The following G2E3 variants were observed in gnomAD, a reference collection of about 807,000 sequenced individuals.
The protein encoded by G2E3 is G2/M-phase specific E3 ubiquitin protein ligase, also known as G2/M phase-specific E3 ubiquitin-protein ligase.
A neutral mutation model predicts 92.8 loss-of-function variants in G2E3; 35 were observed. That is an observed-to-expected ratio of 0.38 (90% confidence interval 0.29 to 0.50). The LOEUF is 0.50. G2E3 is among the 20% of genes least tolerant of loss of function. The probability of loss-of-function intolerance (pLI) is 0.94; values close to 1 mark genes in which losing one functional copy is unlikely to be tolerated. For missense variants in G2E3, 554 were observed against 823.8 expected, an observed-to-expected ratio of 0.67 and a Z score of 4.01; for synonymous variants, 242 against 272.4, an observed-to-expected ratio of 0.89 and a Z score of 1.10.
chr14:30,593,777 A>C (rs1315238965), intron 6 of G2E3, 138 bp downstream of exon 6: 1 of 625,406 alleles, frequency 1.6e-6, no homozygotes, highest in East Asian at 3.0e-5. Context: ...AAAGCACTTA[A>C]TTTGAAGCAG....
chr14:30,614,838 T>C (rs1245826833), intron 13 of G2E3, among the ~76,000 whole-genome samples: 2 of 152,238 alleles, frequency 1.3e-5, no homozygotes, highest in Non-Finnish European at 2.9e-5. Context: ...CTATTGATCT[T>C]TCAGAAGAAT....
intron 14 of G2E3, 88 bp from the exon 15 acceptor site, chr14:30,616,190 C>T (rs906689874): frequency 2.3e-6 from 2 of 870,642 alleles, no homozygotes; most frequent in African/African-American, 3.4e-5. Flanking sequence ...TATTCCAAGT[C>T]TATTTGGAGA....
chr14:30,612,339 G>C lies in G2E3; in HGVS notation c.1633G>C (p.Gly545Arg), dbSNP rs140574601. 2.8e-4 allele frequency: 444 copies of C among 1,607,328 alleles called. No individual in the cohort carries two copies. The highest frequency in any genetic ancestry group is 3.5e-4 in the Non-Finnish European group (413 of 1,175,480). ...ATATATGTTAGTAAAAGACATACTT[G>C]GCTACCATGTAATTCAGAGAGTCCA... Reference protein sequence around the residue: ...DKYMLVKDILGYHVIQRVHTP... With the variant: ...DKYMLVKDILRYHVIQRVHTP... Residue 545 changes from glycine to arginine, a missense_variant, in exon 13 of 15, where the codon GGC (glycine) becomes CGC (arginine). Coordinates refer to ENST00000206595, the MANE Select transcript of G2E3 (RefSeq NM_017769.5).
chr14:30,610,415 ACCAG>A (rs1169140230), intron 12 of G2E3, among the ~76,000 whole-genome samples: 2 of 152,122 alleles, frequency 1.3e-5, no homozygotes, highest in Non-Finnish European at 2.9e-5. Flanking sequence ...GCAGTTCGAG[ACCAG>A]CCTGGCCAAC....
At chr14:30,611,223 T>C (rs1256653476) in intron 12 of G2E3, 2 of 152,238 alleles carry the variant, frequency 1.3e-5, no homozygotes, top group Non-Finnish European at 1.5e-5. Context: ...TTTGGCTATG[T>C]GCCCAGCTGA....
At chr14:30,573,569 G>C (rs1879902681) in intron 1 of G2E3, 1 of 152,026 alleles carries the variant, frequency 6.6e-6, no homozygotes, top group Admixed American at 6.6e-5. Flanking sequence ...GGAAAGTCCC[G>C]CAGTGTAGTT....
At chr14:30,602,892 G>T (rs1328568526) in intron 10 of G2E3, 3 of 152,208 alleles carry the variant, frequency 2.0e-5, no homozygotes, top group Admixed American at 2.0e-4. Context: ...GATTACAGGT[G>T]TGCGCCACTA....
chr14:30,602,059 A>G lies in G2E3; in HGVS notation c.938A>G (p.Asp313Gly), dbSNP rs1327573459. The change falls in exon 10 of 15, where the codon GAT becomes GGT. Residue 313 changes from aspartate (D) to glycine (G), a missense_variant. Asp to Gly is a moderately conservative substitution (Grantham distance 94). This residue lies in a region of G2E3 where 397 missense variants were observed against 560.3 expected (regional missense o/e 0.71). Transcript: ENST00000206595. ...LPNSNNVGIT[D>G]CLLEESSPKL... The stretch of plus-strand genomic sequence containing the variant: ...AATTCTAATAATGTGGGGATTACAG[A>G]TTGTTTGTTGGAAGAGTCATCACCT... 1.2e-6 allele frequency: 2 copies of G among 1,611,538 alleles called. No homozygotes were observed. The highest frequency in any genetic ancestry group is 1.7e-6 in the Non-Finnish European group (2 of 1,177,758).
rs958787530 is a variant in G2E3 at position 30,586,660 on chromosome 14, A to T, written c.38-58A>T. On this transcript the variant is annotated intron_variant, in intron 2 of 14. Coordinates refer to ENST00000206595, the MANE Select transcript of G2E3 (RefSeq NM_017769.5). The stretch of plus-strand genomic sequence containing the variant: ...AAATTTAGAGAAGCACCAATTCCAT[A>T]GGGTTTTTTTGAAATATTTAAATAT... 1.0e-5 allele frequency: 6 copies of T among 590,504 alleles called. No homozygotes were observed. In the African/African-American group the frequency reaches 1.2e-4, roughly 12 times the overall value. The allele number at this position is 590,504 out of a possible 1,614,324, so 36.6% of individuals were successfully genotyped here.
chr14:30,563,081 T>G (rs1057342514), intron 1 of G2E3, among the ~76,000 whole-genome samples: 2 of 152,034 alleles, frequency 1.3e-5, no homozygotes, highest in African/African-American at 4.8e-5. Flanking sequence ...GTGTCTTTAT[T>G]TCTACAATCT....
intron 1 of G2E3, among the ~76,000 whole-genome samples, chr14:30,580,350 G>A (rs1404350380): frequency 6.6e-6 from 1 of 152,078 alleles, no homozygotes; most frequent in Non-Finnish European, 1.5e-5. Context: ...GGGATTACAG[G>A]CATGCACCAC....
intron 1 of G2E3, among the ~76,000 whole-genome samples, chr14:30,565,683 A>G (rs1396888642): frequency 8.2e-5 from 7 of 85,184 alleles, no homozygotes; most frequent in Admixed American, 7.3e-4. Flanking sequence ...TTTTTTTGAG[A>G]TGGAGTCTCG....
intron 1 of G2E3, among the ~76,000 whole-genome samples, chr14:30,566,028 C>T (rs994339803): frequency 4.6e-5 from 7 of 152,170 alleles, no homozygotes; most frequent in Admixed American, 1.3e-4. Context: ...TGTTTTCTTC[C>T]CATTTAATGG....
chr14:30,599,591 A>G (rs942996539), intron 8 of G2E3, among the ~76,000 whole-genome samples: 2 of 152,130 alleles, frequency 1.3e-5, no homozygotes, highest in African/African-American at 4.8e-5. Flanking sequence ...AGGACTTAGG[A>G]TTTACTTCAA....
chr14:30,587,161 A>G (rs1880756337), intron 3 of G2E3, among the ~76,000 whole-genome samples: 1 of 152,202 alleles, frequency 6.6e-6, no homozygotes, highest in Non-Finnish European at 1.5e-5. Flanking sequence ...AATCTGAGAA[A>G]AGATTTGTTT....
chr14:30,596,541 T>C (rs1431758965), intron 6 of G2E3, among the ~76,000 whole-genome samples: 1 of 152,198 alleles, frequency 6.6e-6, no homozygotes, highest in Non-Finnish European at 1.5e-5. Context: ...GGAATGTCTT[T>C]TGTCCTATTT....
Position 30,608,011 on chromosome 14 carries a change from A to G in G2E3, c.1442A>G (p.Asn481Ser). Residue 481 changes from asparagine (N) to serine (S), a missense_variant, in exon 12 of 15, where the codon AAT (asparagine) becomes AGT (serine). Physicochemically the swap from Asn to Ser is conservative, Grantham distance 46. This residue lies in a region of G2E3 where 397 missense variants were observed against 560.3 expected (regional missense o/e 0.71). Coordinates refer to ENST00000206595, the MANE Select transcript of G2E3 (RefSeq NM_017769.5). ...LFNCLVYGPE[N>S]TQPILDDVSD... is the part of the protein sequence containing the mutation. ...AACTGCCTTGTTTATGGACCAGAAA[A>G]TACCCAGCCAATTTTAGATGATGTT... 1 of 1,604,292 alleles carries G rather than the reference A, an allele frequency of 6.2e-7. No homozygotes were observed. Among genetic ancestry groups the G allele is most frequent in the Non-Finnish European group, 8.5e-7 (1 of 1,176,758 alleles).
intron 6 of G2E3, among the ~76,000 whole-genome samples, chr14:30,595,586 C>G (rs1332609108): frequency 6.6e-6 from 1 of 152,112 alleles, no homozygotes; most frequent in Admixed American, 6.5e-5. Flanking sequence ...AGATCACAGC[C>G]ACATGGACAC....
intron 12 of G2E3, among the ~76,000 whole-genome samples, chr14:30,608,823 AG>A (rs1881954111): frequency 6.6e-6 from 1 of 152,234 alleles, no homozygotes; most frequent in Non-Finnish European, 1.5e-5. Flanking sequence ...AATGATTAAA[AG>A]CATAGGCCTT....
Sources: allele counts gnomAD v4.1 joint callset (sites outside exome capture counted in the v4.1 genomes callset), GRCh38; gene constraint gnomAD v4.1.1; regional missense constraint gnomAD v4.1.1; transcripts MANE v1.5; gene names NCBI Gene and HGNC (gene_info 2026-07-23, HGNC 2026-07-21).